Variants in SPDYE10 observed in about 807,000 individuals in gnomAD.
SPDYE10 encodes speedy/RINGO cell cycle regulator family member E10, also known as speedy protein E10.
the SPDYE10 span, among the ~76,000 whole-genome samples, chr7:73,117,444 C>T: frequency 8.8e-6 from 1 of 113,076 alleles, no homozygotes; most frequent in Non-Finnish European, 1.8e-5. Flanking sequence ...GAACTCCTGA[C>T]CTCATGTGAT....
At chr7:73,134,439 G>A in the SPDYE10 span, among the ~76,000 whole-genome samples, 1 of 150,324 alleles carries the variant, frequency 6.7e-6, no homozygotes, top group African/African-American at 2.5e-5. Context: ...GTTAATGGGT[G>A]TAGCACACCA....
At chr7:73,108,256 A>AG in the SPDYE10 span, among the ~76,000 whole-genome samples, 1 of 268 alleles carries the variant, frequency 3.7e-3, no homozygotes, top group Non-Finnish European at 8.6e-3. Flanking sequence ...AAGGAGAGAG[A>AG]ACAACCGGAA....
At chr7:73,113,645 G>C in the SPDYE10 span, among the ~76,000 whole-genome samples, 2 of 151,664 alleles carry the variant, frequency 1.3e-5, no homozygotes, top group Non-Finnish European at 2.9e-5. Context: ...TGTAATCCCA[G>C]CGCTTTGGGA....
chr7:73,152,431 TG>T, the SPDYE10 span, among the ~76,000 whole-genome samples: 1 of 118,478 alleles, frequency 8.4e-6, no homozygotes, highest in Non-Finnish European at 1.7e-5. Flanking sequence ...TCACCCAGGC[TG>T]GAGTGCAGTG....
the SPDYE10 span, among the ~76,000 whole-genome samples, chr7:73,116,900 T>C: frequency 6.6e-6 from 1 of 151,110 alleles, no homozygotes; most frequent in African/African-American, 2.5e-5. Flanking sequence ...CAGATTTGTT[T>C]TTTTTTTTTT....
At chr7:73,123,349 G>C in the SPDYE10 span, among the ~76,000 whole-genome samples, 1 of 151,990 alleles carries the variant, frequency 6.6e-6, no homozygotes, top group Non-Finnish European at 1.5e-5. Context: ...CCACACAGGT[G>C]GGACAACCAT....
At chr7:73,145,183 ATCTTT>A in the SPDYE10 span, among the ~76,000 whole-genome samples, 22 of 53,752 alleles carry the variant, frequency 4.1e-4, no homozygotes, top group Admixed American at 1.8e-3. Context: ...TCTCTCTTTC[ATCTTT>A]TCTTTCTTTC....
the SPDYE10 span, among the ~76,000 whole-genome samples, chr7:73,135,973 C>A: frequency 4.0e-5 from 1 of 24,900 alleles, no homozygotes; most frequent in Admixed American, 3.4e-4. Flanking sequence ...CTCCACCTCC[C>A]GGGTTCAAGC....
At chr7:73,116,791 G>T in the SPDYE10 span, among the ~76,000 whole-genome samples, 5 of 150,616 alleles carry the variant, frequency 3.3e-5, no homozygotes, top group African/African-American at 1.2e-4. Context: ...ACGTTGCCCA[G>T]GCTGATCTCA....
At chr7:73,149,319 G>A in the SPDYE10 span, among the ~76,000 whole-genome samples, 7 of 116,982 alleles carry the variant, frequency 6.0e-5, no homozygotes, top group Non-Finnish European at 9.2e-5. Context: ...ACAGAGTCTC[G>A]CTCTGTCACC....
At chr7:73,141,220 T>C in the SPDYE10 span, among the ~76,000 whole-genome samples, 1 of 152,276 alleles carries the variant, frequency 6.6e-6, no homozygotes, top group Non-Finnish European at 1.5e-5. Context: ...AGGAATTTAT[T>C]TTTAAAACAT....
At chr7:73,115,173 G>A in the SPDYE10 span, among the ~76,000 whole-genome samples, 1 of 152,196 alleles carries the variant, frequency 6.6e-6, no homozygotes, top group South Asian at 2.1e-4. Flanking sequence ...TGGGATTACA[G>A]GTGTGAGCCA....
chr7:73,110,913 TC>T, the SPDYE10 span: 1 of 1,369,444 alleles, frequency 7.3e-7, no homozygotes. Flanking sequence ...CTCTGGGGTG[TC>T]CTCCTACCAA....
chr7:73,126,472 A>G, the SPDYE10 span, among the ~76,000 whole-genome samples: 1 of 119,364 alleles, frequency 8.4e-6, no homozygotes, highest in Non-Finnish European at 1.6e-5. Flanking sequence ...GTGCCACTGC[A>G]CTCCAGACTG....
At chr7:73,120,516 C>T in the SPDYE10 span, among the ~76,000 whole-genome samples, 197 of 85,948 alleles carry the variant, frequency 2.3e-3, no homozygotes, top group African/African-American at 0.011. Context: ...TGGCTGGGTG[C>T]GGTGGTTCAC....
At chr7:73,123,824 T>TCTCTCC in the SPDYE10 span, among the ~76,000 whole-genome samples, 1 of 150,778 alleles carries the variant, frequency 6.6e-6, no homozygotes, top group African/African-American at 2.5e-5. Flanking sequence ...TCTCTCTCTC[T>TCTCTCC]CTCTGGCTGG....
At chr7:73,124,020 C>T in the SPDYE10 span, among the ~76,000 whole-genome samples, 1 of 150,342 alleles carries the variant, frequency 6.7e-6, no homozygotes, top group Admixed American at 6.6e-5. Context: ...TAGGTTCAAG[C>T]AATCTTCCGG....
At chr7:73,134,537 A>AAGAAAGAAAAAGAAAGAAAGAAAGAAAG in the SPDYE10 span, among the ~76,000 whole-genome samples, 6 of 139,530 alleles carry the variant, frequency 4.3e-5, no homozygotes, top group African/African-American at 1.7e-4. Flanking sequence ...GAAAGAAAGA[A>AAGAAAGAAAAAGAAAGAAAGAAAGAAAG]AAAGAAAGAA....
the SPDYE10 span, among the ~76,000 whole-genome samples, chr7:73,145,226 A>C: frequency 2.9e-3 from 171 of 58,152 alleles, no homozygotes; most frequent in Middle Eastern, 0.017. Flanking sequence ...TTGGCCTTTC[A>C]TTTCTTTCTT....
Sources: allele counts gnomAD v4.1 joint callset (sites outside exome capture counted in the v4.1 genomes callset), GRCh38; gene constraint gnomAD v4.1.1; transcripts MANE v1.5; gene names NCBI Gene and HGNC (gene_info 2026-07-23, HGNC 2026-07-21).